TCF4: variants seen among roughly 807,000 people sequenced by gnomAD.
TCF4 encodes SL3-3 enhancer factor 2.
Under a neutral mutation model 82.1 loss-of-function variants are expected in TCF4, and 3 were observed. The observed-to-expected ratio is 0.04, with a 90% CI of 0.02 to 0.09. TCF4 has a LOEUF of 0.09. Ranked by LOEUF, TCF4 falls within the 10% of genes least tolerant of loss-of-function variation. The probability of loss-of-function intolerance (pLI) is 1.00; values close to 1 mark genes in which losing one functional copy is unlikely to be tolerated. For synonymous variants in TCF4, 276 were observed against 309.6 expected, an observed-to-expected ratio of 0.89 and a Z score of 1.14; for missense variants, 518 against 852.7, an observed-to-expected ratio of 0.61 and a Z score of 4.89.
At chr18:55,325,242 A>G (rs555286650) in intron 8 of TCF4, among the ~76,000 whole-genome samples, 2 of 152,312 alleles carry the variant, frequency 1.3e-5, no homozygotes, top group South Asian at 4.1e-4. Context: ...ATTTGGGGAC[A>G]TGCACAGGGT....
intron 3 of TCF4, among the ~76,000 whole-genome samples, chr18:55,514,394 CATCT>C (rs2096858407): frequency 7.2e-6 from 1 of 138,772 alleles, no homozygotes; most frequent in Admixed American, 7.9e-5. Context: ...CATACACACA[CATCT>C]ATCCATGCAC....
At chr18:55,342,540 AAACT>A (rs1383887243) in intron 8 of TCF4, among the ~76,000 whole-genome samples, 3 of 152,194 alleles carry the variant, frequency 2.0e-5, no homozygotes, top group Non-Finnish European at 4.4e-5. Flanking sequence ...TAAAAAATTT[AAACT>A]AACTCAACAA....
chr18:55,585,921 C>T (rs1382040032), intron 2 of TCF4: 1 of 1,248,558 alleles, frequency 8.0e-7, no homozygotes, highest in Non-Finnish European at 1.0e-6. Flanking sequence ...GCATTTATTT[C>T]GACCCTAATT....
chr18:55,458,552 A>G lies in TCF4; in HGVS notation c.304+2467T>C, dbSNP rs72928953. Among the ~76,000 whole-genome samples the G allele has an allele frequency of 7.5e-3, 1,141 of 152,320 alleles. 8 individuals are homozygous for G. Among genetic ancestry groups the G allele is most frequent in the Non-Finnish European group, 0.013 (886 of 68,026 alleles). On this transcript the variant is annotated intron_variant, in intron 5 of 19. Transcript: ENST00000354452. ...GTCGTTAATTTCTTGAAAATGATCT[A>G]TCTTTTCTTTGTAAAGCTGTAACAT... is the stretch of plus-strand genomic sequence containing the variant.
intron 8 of TCF4, among the ~76,000 whole-genome samples, chr18:55,319,986 TA>T (rs2075094846): frequency 6.6e-6 from 1 of 152,190 alleles, no homozygotes; most frequent in African/African-American, 2.4e-5. Context: ...AGTCTTTCAT[TA>T]CGGATAAGGG....
intron 3 of TCF4, among the ~76,000 whole-genome samples, chr18:55,464,687 T>A (rs771618062): frequency 2.0e-5 from 3 of 151,900 alleles, no homozygotes; most frequent in Non-Finnish European, 4.4e-5. Context: ...GAAACAAAAC[T>A]TTTTTTTAGG....
Position 55,468,883 on chromosome 18 carries a change from C to CGCG in TCF4, c.146-4747_146-4746insCGC, listed in dbSNP as rs199707137. Among the ~76,000 whole-genome samples the CGCG allele has an allele frequency of 1.2e-4, 3 of 24,434 alleles. No individual in the cohort carries two copies. In the South Asian group the frequency reaches 1.8e-3, roughly 15 times the overall value. 16.0% of individuals were successfully genotyped at this position (24,434 alleles called of 152,430 possible). A position where few individuals can be genotyped will look rare whatever the true frequency, so the allele number is the denominator to read the frequency against. ...GCTGCTGAATCTATTTAGTTCTCGCCCCCCCCCCCCTTGTTCTATTGCCAC... is the reference window on the plus strand; with the variant it reads ...GCTGCTGAATCTATTTAGTTCTCGCCGCGCCCCCCCCCCTTGTTCTATTGCCAC... On this transcript the variant is annotated intron_variant, in intron 3 of 19. Transcript: ENST00000354452.
At chr18:55,635,770 G>A in exon 1 of TCF4, 2 of 1,550,784 alleles carry the variant, frequency 1.3e-6, no homozygotes, top group Non-Finnish European at 8.7e-7. Flanking sequence ...AATGTCCTGA[G>A]AAGTTTTAAA....
intron 6 of TCF4, among the ~76,000 whole-genome samples, chr18:55,382,705 A>C (rs769426175): frequency 6.6e-6 from 1 of 152,204 alleles, no homozygotes; most frequent in Non-Finnish European, 1.5e-5. Context: ...ATAAATAAGA[A>C]AAAAAGAGTT....
intron 3 of TCF4, among the ~76,000 whole-genome samples, chr18:55,483,375 A>G (rs1285448700): frequency 2.6e-5 from 4 of 152,198 alleles, no homozygotes; most frequent in Non-Finnish European, 5.9e-5. Flanking sequence ...TAATTTAAAT[A>G]CTCATTCGTT....
chr18:55,588,066 G>A lies in TCF4; in HGVS notation c.-49C>T, dbSNP rs2097669977. On this transcript the variant is annotated 5_prime_UTR_variant, in exon 1 of 20. Coordinates refer to ENST00000354452, the MANE Select transcript of TCF4 (RefSeq NM_001083962.2). The stretch of plus-strand genomic sequence containing the variant: ...CCGCGCGCGAGAAGGGGCTCTCCGT[G>A]CACCGCCGGCGCCGAGGCGGCGTTC... The A allele has an allele frequency of 1.0e-6, 1 of 991,830 alleles. No individual in the cohort carries two copies. Among genetic ancestry groups the A allele is most frequent in the South Asian group, 4.5e-5 (1 of 22,330 alleles). The allele number at this position is 991,830 out of a possible 1,614,324, so 61.4% of individuals were successfully genotyped here. A position where few individuals can be genotyped will look rare whatever the true frequency, so the allele number is the denominator to read the frequency against.
At chr18:55,246,529 T>A (rs1215362693) in intron 15 of TCF4, among the ~76,000 whole-genome samples, 1 of 152,158 alleles carries the variant, frequency 6.6e-6, no homozygotes, top group African/African-American at 2.4e-5. Context: ...AGTGTCCTCA[T>A]CACTTTTCTT....
At chr18:55,382,614 C>T (rs1489090630) in intron 6 of TCF4, among the ~76,000 whole-genome samples, 1 of 152,104 alleles carries the variant, frequency 6.6e-6, no homozygotes, top group East Asian at 1.9e-4. Context: ...ATGTGTTTCA[C>T]CTGACCCAAT....
At chr18:55,599,713 T>G (rs2147942689) in intron 2 of TCF4, among the ~76,000 whole-genome samples, 1 of 152,096 alleles carries the variant, frequency 6.6e-6, no homozygotes, top group South Asian at 2.1e-4. Flanking sequence ...AGAGTGAGAG[T>G]CTTATCGCAA....
chr18:55,626,837 T>C (rs1002339730), intron 2 of TCF4, among the ~76,000 whole-genome samples: 1 of 152,236 alleles, frequency 6.6e-6, no homozygotes, highest in Non-Finnish European at 1.5e-5. Flanking sequence ...AGGAATGTGC[T>C]TTCTGACTGT....
At chr18:55,439,529 T>C (rs1485081967) in intron 5 of TCF4, among the ~76,000 whole-genome samples, 1 of 152,122 alleles carries the variant, frequency 6.6e-6, no homozygotes, top group East Asian at 1.9e-4. Context: ...TAGTCCAGGA[T>C]CTAGCGCACT....
At chr18:55,550,581 A>G (rs994310092) in intron 3 of TCF4, 5 of 152,216 alleles carry the variant, frequency 3.3e-5, no homozygotes, top group African/African-American at 1.2e-4. Context: ...GTGTGCATGT[A>G]GTACAGCGCC....
chr18:55,446,444 A>G (rs1185869809), intron 5 of TCF4, among the ~76,000 whole-genome samples: 1 of 152,124 alleles, frequency 6.6e-6, no homozygotes, highest in Non-Finnish European at 1.5e-5. Flanking sequence ...TAAATTCTCT[A>G]CAAAGGAGGC....
At chr18:55,430,597 G>C (rs568015145) in intron 5 of TCF4, among the ~76,000 whole-genome samples, 148 of 151,912 alleles carry the variant, frequency 9.7e-4, no homozygotes, top group Non-Finnish European at 1.8e-3. Context: ...CAAATTCCCA[G>C]CTCTTCCCAT....
Sources: allele counts gnomAD v4.1 joint callset (sites outside exome capture counted in the v4.1 genomes callset), GRCh38; gene constraint gnomAD v4.1.1; transcripts MANE v1.5; gene names NCBI Gene and HGNC (gene_info 2026-07-23, HGNC 2026-07-21).